The following CDH23 variants were observed in gnomAD, a reference collection of about 807,000 sequenced individuals.
CDH23 encodes cadherin-23.
CDH23 carries 189 observed loss-of-function variants against 317.1 expected under a neutral mutation model. The observed-to-expected ratio is 0.60, with a 90% CI of 0.53 to 0.67. The LOEUF (loss-of-function observed/expected upper bound fraction) is 0.67, where lower values mean the gene tolerates loss of function less well. CDH23 is among the 30% of genes least tolerant of loss of function. The probability of loss-of-function intolerance (pLI) is 0.00; values close to 1 mark genes in which losing one functional copy is unlikely to be tolerated. For synonymous variants in CDH23, 1,839 were observed against 1,876.8 expected, an observed-to-expected ratio of 0.98 and a Z score of 0.52; for missense variants, 4,401 against 4,592.4, an observed-to-expected ratio of 0.96 and a Z score of 1.20.
chr10:71,442,377 G>A (rs564667528), intron 2 of CDH23, among the ~76,000 whole-genome samples: 1 of 152,236 alleles, frequency 6.6e-6, no homozygotes, highest in African/African-American at 2.4e-5. Context: ...GAGAGTGGGT[G>A]ACTGAACCAC....
chr10:71,457,829 G>A (rs534929856), intron 3 of CDH23, among the ~76,000 whole-genome samples: 2 of 152,368 alleles, frequency 1.3e-5, no homozygotes, highest in Admixed American at 6.5e-5. Context: ...ATAGATGAAA[G>A]TATGAGATTA....
At chr10:71,428,139 CTT>C (rs112105182) in intron 1 of CDH23, among the ~76,000 whole-genome samples, 88 of 131,492 alleles carry the variant, frequency 6.7e-4, no homozygotes, top group Admixed American at 1.2e-3. Flanking sequence ...TTCTTTCTTT[CTT>C]TTTTTTTTTT....
chr10:71,503,609 G>T (rs773801616), intron 3 of CDH23, among the ~76,000 whole-genome samples: 1 of 152,184 alleles, frequency 6.6e-6, no homozygotes, highest in South Asian at 2.1e-4. Flanking sequence ...AATGTGCTGC[G>T]TGATGGGCAG....
intron 18 of CDH23, among the ~76,000 whole-genome samples, chr10:71,684,948 C>T (rs990047308): frequency 3.9e-5 from 6 of 152,204 alleles, no homozygotes; most frequent in Admixed American, 2.6e-4. Flanking sequence ...CCCTTTCAGT[C>T]CCACTTTACA....
intron 11 of CDH23, among the ~76,000 whole-genome samples, chr10:71,634,258 GC>G (rs774611990): frequency 1.3e-5 from 2 of 152,248 alleles, no homozygotes; most frequent in African/African-American, 4.8e-5. Flanking sequence ...CCCAGAAGGG[GC>G]CCCAGAAGGA....
Position 71,809,808 on chromosome 10 carries a change from GGCTTCCT to G in CDH23, c.8723-9_8723-3del. 6.2e-7 allele frequency: 1 copy of G among 1,607,904 alleles called. No individual in the cohort carries two copies. The highest frequency in any genetic ancestry group is 8.5e-7 in the Non-Finnish European group (1 of 1,176,246). The stretch of plus-strand genomic sequence containing the variant: ...GTCTCTGAGCCGTACCCCGCCTTTG[GGCTTCCT>G]GCAGGGAGCATGGACGGCATTCTGC... On this transcript the variant is annotated splice_polypyrimidine_tract_variant and splice_region_variant and intron_variant, in intron 60 of 69. Coordinates refer to ENST00000224721, the MANE Select transcript of CDH23 (RefSeq NM_022124.6).
rs1378801110 is a variant in CDH23, at chr10:71,784,768, TTCTCCA to T, written c.5503-121_5503-116del. 3.2e-4 allele frequency: 236 copies of T among 732,700 alleles called. 1 individual carries two copies. In the Admixed American group the frequency reaches 4.9e-3, roughly 15 times the overall value. The allele number at this position is 732,700 out of a possible 1,614,324, so 45.4% of individuals were successfully genotyped here. On this transcript the variant is annotated intron_variant, in intron 42 of 69. Transcript: ENST00000224721. ...TTCTTCCTCTCCCCTTTTCTCTTTC[TTCTCCA>T]TGACCAACTGCACCCTCCCTCCCTC... is the stretch of plus-strand genomic sequence containing the variant.
intron 38 of CDH23, among the ~76,000 whole-genome samples, chr10:71,742,430 C>T (rs1461333845): frequency 6.6e-6 from 1 of 152,218 alleles, no homozygotes; most frequent in East Asian, 1.9e-4. Context: ...CACACTAACG[C>T]TCGAATGAAC....
chr10:71,624,106 G>A (rs887694044), intron 11 of CDH23, among the ~76,000 whole-genome samples: 14 of 152,240 alleles, frequency 9.2e-5, no homozygotes, highest in African/African-American at 2.9e-4. Context: ...GGAAGGTGCC[G>A]CCCGGGCCTT....
At position 71,511,103 on chromosome 10, in the gene CDH23, C is replaced by A. The variant is rs375300268; in HGVS notation, c.337-17C>A. 6.2e-7 allele frequency: 1 copy of A among 1,613,370 alleles called. No homozygotes were observed. Among genetic ancestry groups the A allele is most frequent in the East Asian group, 2.2e-5 (1 of 44,874 alleles). On this transcript the variant is annotated splice_polypyrimidine_tract_variant and intron_variant, in intron 5 of 69. Transcript: ENST00000224721. Reference sequence around the variant, plus strand: ...GAGTCAGGTGGCGGCGCTAATTGCCCGCCTTTCTCTTGCCAGGTGATCACA... The same window carrying A: ...GAGTCAGGTGGCGGCGCTAATTGCCAGCCTTTCTCTTGCCAGGTGATCACA...
chr10:71,676,065 A>G (rs2394836), intron 15 of CDH23, among the ~76,000 whole-genome samples: 101,549 of 147,718 alleles, frequency 0.69, 34,955 homozygotes, highest in Non-Finnish European at 0.76. Context: ...CCACCAGCAC[A>G]CCTGGCTAAT....
At chr10:71,419,454 G>A (rs140061172) in intron 1 of CDH23, among the ~76,000 whole-genome samples, 297 of 152,248 alleles carry the variant, frequency 2.0e-3, no homozygotes, top group African/African-American at 6.9e-3. Context: ...ATTACCCCAT[G>A]GAAAGTCTCT....
intron 62 of CDH23, 43 bp downstream of exon 62, chr10:71,810,612 C>A: frequency 6.4e-7 from 1 of 1,566,440 alleles, no homozygotes; most frequent in Non-Finnish European, 8.8e-7. Flanking sequence ...TGTCTGTCTG[C>A]CTGCCTCCCT....
intron 3 of CDH23, among the ~76,000 whole-genome samples, chr10:71,497,468 A>G (rs916655741): frequency 6.0e-5 from 9 of 151,228 alleles, no homozygotes; most frequent in African/African-American, 2.2e-4. Flanking sequence ...CCCTTTATTC[A>G]TGGCTGTTTC....
chr10:71,648,123 G>A (rs377410633), intron 14 of CDH23, among the ~76,000 whole-genome samples: 3 of 152,178 alleles, frequency 2.0e-5, no homozygotes, highest in East Asian at 1.9e-4. Flanking sequence ...GCTGTCAGAC[G>A]TAAACAATAA....
rs1564808710 is a variant in CDH23 at position 71,812,451 on chromosome 10, T to TCCCCACCCTTTTCCCTCCCC, written c.9381-28_9381-9dup. On this transcript the variant is annotated intron_variant, in intron 66 of 69. Transcript: ENST00000224721. ...CCTGTCTACTCGAGCCTTCCCTCCC[T>TCCCCACCCTTTTCCCTCCCC]CCCCACCCTTTTCCCTCCCCAACTG... The TCCCCACCCTTTTCCCTCCCC allele has an allele frequency of 6.2e-6, 5 of 807,992 alleles. No homozygotes were observed. The African/African-American group carries it at 7.2e-5, about 12-fold the overall frequency. 50.1% of individuals were successfully genotyped at this position (807,992 alleles called of 1,614,324 possible).
chr10:71,773,153 G>A (rs1008245528), intron 38 of CDH23, among the ~76,000 whole-genome samples: 1 of 152,234 alleles, frequency 6.6e-6, no homozygotes, highest in African/African-American at 2.4e-5. Context: ...GCATGCAGAT[G>A]TGCCCGATGC....
intron 3 of CDH23, among the ~76,000 whole-genome samples, chr10:71,496,811 A>T (rs1852998737): frequency 6.6e-6 from 1 of 152,058 alleles, no homozygotes. Context: ...GGAGATCCTG[A>T]TGTATGTGGT....
At chr10:71,732,463 T>C (rs1360106545) in intron 32 of CDH23, 88 bp downstream of exon 32, 1 of 1,513,696 alleles carries the variant, frequency 6.6e-7, no homozygotes, top group Non-Finnish European at 8.9e-7. Context: ...CTCTCCTCTT[T>C]GTCATAAAAT....
Sources: allele counts gnomAD v4.1 joint callset (sites outside exome capture counted in the v4.1 genomes callset), GRCh38; gene constraint gnomAD v4.1.1; transcripts MANE v1.5; gene names NCBI Gene and HGNC (gene_info 2026-07-23, HGNC 2026-07-21).